The following SLCO5A1 variants were observed in gnomAD, a reference collection of about 807,000 sequenced individuals.
The protein encoded by SLCO5A1 is solute carrier organic anion transporter family member 5A1, also known as organic anion transporter polypeptide-related protein 4.
SLCO5A1 carries 39 observed loss-of-function variants against 65.1 expected under a neutral mutation model. The ratio of observed to expected loss-of-function variants is 0.60; its 90% CI spans 0.46 to 0.78. The LOEUF (loss-of-function observed/expected upper bound fraction) is 0.78. SLCO5A1 is among the 30% of genes least tolerant of loss of function. SLCO5A1 has a pLI of 0.00. For missense variants in SLCO5A1, 1,029 were observed against 1,069.4 expected, an observed-to-expected ratio of 0.96 and a Z score of 0.53; for synonymous variants, 438 against 415.7, an observed-to-expected ratio of 1.05 and a Z score of -0.65.
At chr8:69,696,970 C>T (rs1814524063) in intron 6 of SLCO5A1, among the ~76,000 whole-genome samples, 1 of 151,964 alleles carries the variant, frequency 6.6e-6, no homozygotes, top group African/African-American at 2.4e-5. Flanking sequence ...AAGACAAAAG[C>T]ATGCAATATG....
chr8:69,707,376 A>T (rs1412452589), intron 5 of SLCO5A1, among the ~76,000 whole-genome samples: 1 of 152,236 alleles, frequency 6.6e-6, no homozygotes, highest in African/African-American at 2.4e-5. Context: ...GGACCAGCAC[A>T]GAGAATATCC....
At chr8:69,795,684 G>A (rs180995024) in intron 2 of SLCO5A1, among the ~76,000 whole-genome samples, 2 of 152,322 alleles carry the variant, frequency 1.3e-5, no homozygotes, top group Non-Finnish European at 2.9e-5. Flanking sequence ...GGAGGATGGT[G>A]GCCCTCTTCT....
intron 2 of SLCO5A1, among the ~76,000 whole-genome samples, chr8:69,822,961 A>T (rs1442067465): frequency 6.6e-6 from 1 of 152,138 alleles, no homozygotes; most frequent in Non-Finnish European, 1.5e-5. Context: ...GCCAGCACCC[A>T]CCCTGCTTAA....
chr8:69,791,958 T>C (rs1390308098), intron 2 of SLCO5A1, among the ~76,000 whole-genome samples: 1 of 152,200 alleles, frequency 6.6e-6, no homozygotes, highest in African/African-American at 2.4e-5. Flanking sequence ...CAAGTCAAAA[T>C]TCTGTCTTTG....
At chr8:69,690,082 C>T (rs1484131807) in intron 6 of SLCO5A1, among the ~76,000 whole-genome samples, 1 of 152,234 alleles carries the variant, frequency 6.6e-6, no homozygotes, top group Non-Finnish European at 1.5e-5. Context: ...CCCACTTATT[C>T]TACACCTCTC....
chr8:69,798,784 T>C (rs188329350), intron 2 of SLCO5A1, among the ~76,000 whole-genome samples: 2 of 152,298 alleles, frequency 1.3e-5, no homozygotes, highest in Admixed American at 1.3e-4. Flanking sequence ...ACGAGGTGGA[T>C]GAAGAAGTTT....
At chr8:69,694,558 G>A (rs1814416816) in intron 6 of SLCO5A1, among the ~76,000 whole-genome samples, 1 of 152,170 alleles carries the variant, frequency 6.6e-6, no homozygotes, top group Non-Finnish European at 1.5e-5. Context: ...CACTGCACAA[G>A]GGCACCCAGC....
chr8:69,762,940 A>C (rs1009703861), intron 2 of SLCO5A1, among the ~76,000 whole-genome samples: 1 of 152,194 alleles, frequency 6.6e-6, no homozygotes, highest in African/African-American at 2.4e-5. Flanking sequence ...CACATGCCCA[A>C]AGGGGGTGGG....
intron 8 of SLCO5A1, 66 bp from the exon 9 acceptor site, chr8:69,676,739 A>G (rs778867291): frequency 6.8e-7 from 1 of 1,462,068 alleles, no homozygotes; most frequent in Non-Finnish European, 9.5e-7. Context: ...ATGTCAAATC[A>G]AGTCGGCTTT....
At chr8:69,788,673 T>A (rs993909660) in intron 2 of SLCO5A1, among the ~76,000 whole-genome samples, 1 of 152,180 alleles carries the variant, frequency 6.6e-6, no homozygotes, top group East Asian at 1.9e-4. Context: ...ATAAACTGAT[T>A]ATACATATAA....
intron 6 of SLCO5A1, among the ~76,000 whole-genome samples, chr8:69,702,269 A>T (rs1792823168): frequency 6.6e-6 from 1 of 152,258 alleles, no homozygotes. Context: ...TGTGTTACAC[A>T]CATAACCCTT....
At chr8:69,750,974 G>T (rs1276985263) in intron 4 of SLCO5A1, among the ~76,000 whole-genome samples, 2 of 152,140 alleles carry the variant, frequency 1.3e-5, no homozygotes, top group Non-Finnish European at 2.9e-5. Flanking sequence ...CCAACTTTCA[G>T]TAGCCTCTTT....
chr8:69,738,658 G>A (rs1192044034), intron 4 of SLCO5A1, among the ~76,000 whole-genome samples: 3 of 152,048 alleles, frequency 2.0e-5, no homozygotes, highest in African/African-American at 7.2e-5. Flanking sequence ...CTGCTTCTGT[G>A]GGCATCTACA....
At chr8:69,795,350 G>T (rs1819445768) in intron 2 of SLCO5A1, among the ~76,000 whole-genome samples, 1 of 152,280 alleles carries the variant, frequency 6.6e-6, no homozygotes, top group Admixed American at 6.5e-5. Context: ...AGACACAATA[G>T]GGTACAAGAA....
intron 6 of SLCO5A1, among the ~76,000 whole-genome samples, chr8:69,701,820 T>G (rs950511550): frequency 1.3e-5 from 2 of 152,202 alleles, no homozygotes; most frequent in African/African-American, 4.8e-5. Flanking sequence ...GTCATTCATA[T>G]TTGGCTCAGA....
chr8:69,786,143 T>C (rs1482492556), intron 2 of SLCO5A1, among the ~76,000 whole-genome samples: 1 of 152,200 alleles, frequency 6.6e-6, no homozygotes. Flanking sequence ...CTTCTAAAAA[T>C]ACCAAAGAAA....
At chr8:69,739,630 A>T (rs1437539268) in intron 4 of SLCO5A1, among the ~76,000 whole-genome samples, 5 of 152,156 alleles carry the variant, frequency 3.3e-5, no homozygotes, top group Admixed American at 2.0e-4. Flanking sequence ...GAAAGTTAAG[A>T]CTGCTCACTG....
intron 3 of SLCO5A1, chr8:69,761,533 C>T: frequency 1.8e-6 from 1 of 550,512 alleles, no homozygotes; most frequent in Non-Finnish European, 3.2e-6. Context: ...CTGCAAAGTC[C>T]CTCTTGCCAT....
intron 2 of SLCO5A1, among the ~76,000 whole-genome samples, chr8:69,824,040 T>G (rs571429582): frequency 1.2e-3 from 190 of 152,220 alleles, no homozygotes; most frequent in South Asian, 3.5e-3. Context: ...GGTACATAAC[T>G]AAATGAAGGC....
Sources: gnomAD v4.1 joint callset for allele counts (sites outside exome capture counted in the v4.1 genomes callset) on GRCh38, gnomAD v4.1.1 for gene constraint, MANE v1.5 for transcripts, NCBI Gene and HGNC (gene_info 2026-07-23, HGNC 2026-07-21) for gene names.